Variants in FGD4 observed in about 807,000 individuals in gnomAD.
FGD4 encodes the protein FYVE, RhoGEF and PH domain-containing protein 4.
FGD4 carries 42 observed loss-of-function variants against 102.0 expected under a neutral mutation model. That is an observed-to-expected ratio of 0.41 (90% CI 0.32 to 0.53). FGD4 has a LOEUF of 0.53. FGD4 is among the 20% of genes least tolerant of loss of function. The pLI is 0.21. For synonymous variants in FGD4, 380 were observed against 375.7 expected (o/e 1.01, Z -0.13); for missense variants, 902 against 1,078.2 (o/e 0.84, Z 2.29).
chr12:32,478,914 C>A (rs1054525432), intron 1 of FGD4, among the ~76,000 whole-genome samples: 4 of 152,194 alleles, frequency 2.6e-5, no homozygotes, highest in Non-Finnish European at 2.9e-5. Flanking sequence ...CAGTGTCAAA[C>A]TTCCATGGCA....
intron 1 of FGD4, among the ~76,000 whole-genome samples, chr12:32,490,795 T>C (rs1313227502): frequency 3.3e-5 from 5 of 152,182 alleles, no homozygotes; most frequent in Admixed American, 2.6e-4. Context: ...GGGAGCAGTA[T>C]GTGTGTTGTT....
intron 1 of FGD4, among the ~76,000 whole-genome samples, chr12:32,447,217 G>A (rs1298486978): frequency 6.6e-6 from 1 of 152,140 alleles, no homozygotes; most frequent in Non-Finnish European, 1.5e-5. Context: ...CTATTTTATA[G>A]GTAGTCACCC....
chr12:32,451,631 C>G (rs535484568), intron 1 of FGD4, among the ~76,000 whole-genome samples: 64 of 151,690 alleles, frequency 4.2e-4, no homozygotes, highest in African/African-American at 1.5e-3. Flanking sequence ...AGGCCGGGCT[C>G]GATGGCTCAC....
At chr12:32,423,487 G>C (rs1941721992) in intron 1 of FGD4, among the ~76,000 whole-genome samples, 1 of 151,584 alleles carries the variant, frequency 6.6e-6, no homozygotes, top group African/African-American at 2.4e-5. Flanking sequence ...AGCTACTTGG[G>C]AGGCCGAGGC....
chr12:32,403,236 TG>T (rs906134137), intron 1 of FGD4, among the ~76,000 whole-genome samples: 13 of 152,180 alleles, frequency 8.5e-5, no homozygotes, highest in African/African-American at 3.1e-4. Flanking sequence ...CTGTGCTTTT[TG>T]GCAAAAATAA....
intron 1 of FGD4, among the ~76,000 whole-genome samples, chr12:32,512,673 G>C (rs1939502640): frequency 6.6e-6 from 1 of 152,176 alleles, no homozygotes; most frequent in Non-Finnish European, 1.5e-5. Flanking sequence ...GAAATGCAGA[G>C]TTGATTGGAG....
rs1403131803 is a variant in FGD4, at chr12:32,643,583, A to G, written c.*3050A>G. 1 of 151,944 alleles carries G rather than the reference A, an allele frequency of 6.6e-6. No homozygotes were observed. Among genetic ancestry groups the G allele is most frequent in the East Asian group, 1.9e-4 (1 of 5,198 alleles). 9.4% of individuals were successfully genotyped at this position (151,944 alleles called of 1,614,324 possible). A position where few individuals can be genotyped will look rare whatever the true frequency, so the allele number is the denominator to read the frequency against. ...TTCACTAGGTGACTTAACTTACCCC[A>G]ATTTTTTTAAAAATTATTAAACTTT... On this transcript the variant is annotated 3_prime_UTR_variant, in exon 17 of 17. Coordinates refer to ENST00000534526, the MANE Select transcript of FGD4 (RefSeq NM_001370298.3).
chr12:32,412,679 G>C (rs1161596070), intron 1 of FGD4, among the ~76,000 whole-genome samples: 1 of 152,200 alleles, frequency 6.6e-6, no homozygotes, highest in East Asian at 1.9e-4. Context: ...CGCGATGTCA[G>C]CTCACTGCAA....
chr12:32,549,148 C>T (rs968550080), intron 1 of FGD4, among the ~76,000 whole-genome samples: 2 of 152,184 alleles, frequency 1.3e-5, no homozygotes, highest in Non-Finnish European at 2.9e-5. Context: ...TTGTCAGAGC[C>T]TCTGATATGC....
rs183050685 is a variant in FGD4 at position 32,411,038 on chromosome 12, C to T, written c.166+11079C>T. Among the ~76,000 whole-genome samples, 2 of 148,516 alleles carry T rather than the reference C, an allele frequency of 1.3e-5. 1 individual carries two copies. Among genetic ancestry groups the T allele is most frequent in the Admixed American group, 1.4e-4 (2 of 14,786 alleles). The stretch of plus-strand genomic sequence containing the variant: ...CTCCGCCTCCCAGGTTCCAGCGATT[C>T]TCTTGCCTCAGCCTCCTGTGTAGCT... On this transcript the variant is annotated intron_variant, in intron 1 of 16. Coordinates refer to ENST00000534526, the MANE Select transcript of FGD4 (RefSeq NM_001370298.3).
chr12:32,499,257 C>A (rs1938017305), intron 1 of FGD4, among the ~76,000 whole-genome samples: 2 of 152,294 alleles, frequency 1.3e-5, no homozygotes, highest in South Asian at 2.1e-4. Context: ...ATCTTAAGAA[C>A]CTTTATGGGG....
At chr12:32,627,745 G>A (rs1950265326) in intron 14 of FGD4, among the ~76,000 whole-genome samples, 2 of 152,166 alleles carry the variant, frequency 1.3e-5, no homozygotes, top group African/African-American at 4.8e-5. Context: ...GGTTTATCCA[G>A]AGTAGTATAA....
chr12:32,468,498 A>G (rs1943329561), intron 1 of FGD4, among the ~76,000 whole-genome samples: 2 of 152,176 alleles, frequency 1.3e-5, no homozygotes, highest in African/African-American at 4.8e-5. Context: ...AATTCAGGTA[A>G]AAGTATGGTG....
At chr12:32,610,674 T>A in intron 8 of FGD4, 102 bp from the exon 9 acceptor site, 1 of 1,019,912 alleles carries the variant, frequency 9.8e-7, no homozygotes. Context: ...ATTTTTGTTG[T>A]ATCTTTGGTC....
Position 32,414,835 on chromosome 12 carries a change from G to A in FGD4, c.166+14876G>A, listed in dbSNP as rs145257368. ...TATTGTTTGTTCTAATTTTGGGTTCGGTTTGCTCTTGCTCTTCTAGTTCTT... is the reference window on the plus strand; with the variant it reads ...TATTGTTTGTTCTAATTTTGGGTTCAGTTTGCTCTTGCTCTTCTAGTTCTT... On this transcript the variant is annotated intron_variant, in intron 1 of 16. Transcript: ENST00000534526. 4.9e-4 allele frequency among the ~76,000 whole-genome samples: 74 copies of A among 152,000 alleles called. No homozygotes were observed. In the East Asian group the frequency reaches 8.9e-3, roughly 18 times the overall value.
intron 1 of FGD4, among the ~76,000 whole-genome samples, chr12:32,457,974 A>G (rs1942990244): frequency 6.6e-6 from 1 of 151,348 alleles, no homozygotes; most frequent in Non-Finnish European, 1.5e-5. Flanking sequence ...AGGTAACATA[A>G]TTTCCTCATT....
rs1029508326 is a variant in FGD4 at position 32,643,335 on chromosome 12, T to C, written c.*2802T>C. On this transcript the variant is annotated 3_prime_UTR_variant, in exon 17 of 17. Coordinates refer to ENST00000534526, the MANE Select transcript of FGD4 (RefSeq NM_001370298.3). ...GTATGGTTTTATACTGAAAATTTAA[T>C]ATGAAGGCCCCTTCCCACAAGAATA... The C allele has an allele frequency of 6.6e-6, 1 of 152,490 alleles. No individual in the cohort carries two copies. The highest frequency in any genetic ancestry group is 2.4e-5 in the African/African-American group (1 of 41,422). The allele number at this position is 152,490 out of a possible 1,614,324, so 9.4% of individuals were successfully genotyped here. A position where few individuals can be genotyped will look rare whatever the true frequency, so the allele number is the denominator to read the frequency against.
intron 2 of FGD4, among the ~76,000 whole-genome samples, chr12:32,566,205 T>C (rs1451498156): frequency 6.6e-6 from 1 of 152,170 alleles, no homozygotes; most frequent in African/African-American, 2.4e-5. Flanking sequence ...CTTTTCACTA[T>C]AACCTCACAG....
intron 1 of FGD4, among the ~76,000 whole-genome samples, chr12:32,457,947 ATTG>A (rs1942988818): frequency 1.3e-5 from 2 of 151,772 alleles, no homozygotes; most frequent in African/African-American, 4.8e-5. Context: ...TAATGACAGG[ATTG>A]TTTTCTTTTA....
Sources: allele counts gnomAD v4.1 joint callset (sites outside exome capture counted in the v4.1 genomes callset), GRCh38; gene constraint gnomAD v4.1.1; transcripts MANE v1.5; gene names NCBI Gene and HGNC (gene_info 2026-07-23, HGNC 2026-07-21).